Variants in GPC6 observed in about 807,000 individuals in gnomAD.
GPC6 encodes glypican-6.
GPC6 carries 14 observed loss-of-function variants against 55.2 expected under a neutral mutation model. The observed-to-expected ratio is 0.25, with a 90% CI of 0.17 to 0.40. The LOEUF is 0.40. GPC6 is among the 10% of genes least tolerant of loss of function. GPC6 has a pLI of 1.00. For missense variants in GPC6, 641 were observed against 708.5 expected, an observed-to-expected ratio of 0.90 and a Z score of 1.08; for synonymous variants, 278 against 259.6, an observed-to-expected ratio of 1.07 and a Z score of -0.68.
intron 2 of GPC6, among the ~76,000 whole-genome samples, chr13:93,629,706 A>T (rs1229508635): frequency 1.3e-5 from 2 of 152,232 alleles, no homozygotes; most frequent in East Asian, 3.8e-4. Flanking sequence ...ACTTCAATAT[A>T]ACAATTCATG....
intron 4 of GPC6, among the ~76,000 whole-genome samples, chr13:94,204,536 C>A (rs1345859418): frequency 6.6e-6 from 1 of 152,100 alleles, no homozygotes; most frequent in Non-Finnish European, 1.5e-5. Flanking sequence ...TTTCTTCAAT[C>A]ACTATTCTAA....
At chr13:94,246,948 G>A (rs1471221547) in intron 4 of GPC6, among the ~76,000 whole-genome samples, 1 of 152,006 alleles carries the variant, frequency 6.6e-6, no homozygotes, top group Non-Finnish European at 1.5e-5. Context: ...GCTTTAAGCA[G>A]TATGGACATT....
intron 6 of GPC6, among the ~76,000 whole-genome samples, chr13:94,360,052 T>C (rs969051225): frequency 2.0e-5 from 3 of 152,242 alleles, no homozygotes; most frequent in Non-Finnish European, 4.4e-5. Flanking sequence ...GGGCTGGCTT[T>C]CCAGCCTACA....
At chr13:94,379,943 G>A (rs1025404876) in intron 6 of GPC6, among the ~76,000 whole-genome samples, 8 of 152,190 alleles carry the variant, frequency 5.3e-5, no homozygotes, top group Non-Finnish European at 1.0e-4. Flanking sequence ...GCGCAGCGCA[G>A]AAAGCTGAAT....
At chr13:94,227,170 CAGTT>C (rs1890584433) in intron 4 of GPC6, among the ~76,000 whole-genome samples, 1 of 152,114 alleles carries the variant, frequency 6.6e-6, no homozygotes, top group Non-Finnish European at 1.5e-5. Flanking sequence ...TCTGCATTGC[CAGTT>C]AAATATAATT....
At chr13:93,515,434 AATAC>A (rs1401355970) in intron 1 of GPC6, among the ~76,000 whole-genome samples, 22 of 152,258 alleles carry the variant, frequency 1.4e-4, no homozygotes, top group Admixed American at 1.2e-3. Context: ...ATGTTTTTAT[AATAC>A]ATTTAATAGA....
intron 2 of GPC6, among the ~76,000 whole-genome samples, chr13:93,644,653 T>G (rs897048880): frequency 6.6e-6 from 1 of 151,992 alleles, no homozygotes; most frequent in Non-Finnish European, 1.5e-5. Flanking sequence ...TTAAAGGGGA[T>G]GAATTTTATA....
chr13:93,406,888 G>A (rs1472889158), intron 1 of GPC6, among the ~76,000 whole-genome samples: 1 of 152,126 alleles, frequency 6.6e-6, no homozygotes, highest in African/African-American at 2.4e-5. Flanking sequence ...TGAAAGACAA[G>A]ACAAAAGTGA....
intron 3 of GPC6, among the ~76,000 whole-genome samples, chr13:93,852,046 A>T (rs566414612): frequency 7.9e-5 from 12 of 151,920 alleles, no homozygotes; most frequent in Middle Eastern, 6.8e-3. Flanking sequence ...AATGTATTCC[A>T]AAGTAGTTGA....
chr13:94,361,408 C>T (rs901148786), intron 6 of GPC6, among the ~76,000 whole-genome samples: 12 of 152,204 alleles, frequency 7.9e-5, no homozygotes, highest in African/African-American at 2.9e-4. Context: ...GCACTGGGCT[C>T]TACAAATTAC....
chr13:93,813,486 T>G (rs192113994), intron 2 of GPC6, among the ~76,000 whole-genome samples: 79 of 152,274 alleles, frequency 5.2e-4, no homozygotes, highest in Non-Finnish European at 1.0e-3. Context: ...AGCTGCGATA[T>G]TGAAATGAAA....
intron 2 of GPC6, among the ~76,000 whole-genome samples, chr13:93,825,782 T>A (rs1011816108): frequency 1.3e-5 from 2 of 152,076 alleles, no homozygotes; most frequent in Non-Finnish European, 2.9e-5. Context: ...GACAGGCTGG[T>A]AAGTTTATTG....
chr13:93,368,817 C>G (rs1208313663), intron 1 of GPC6, among the ~76,000 whole-genome samples: 2 of 152,088 alleles, frequency 1.3e-5, no homozygotes, highest in Non-Finnish European at 2.9e-5. Flanking sequence ...CTAAGAAAAG[C>G]TAAGCAAATG....
intron 3 of GPC6, among the ~76,000 whole-genome samples, chr13:93,953,032 T>C (rs895122909): frequency 1.3e-5 from 2 of 151,868 alleles, no homozygotes; most frequent in South Asian, 4.1e-4. Context: ...AGCTGCTTCT[T>C]GCTCCCCTTC....
At chr13:93,428,599 T>A (rs1877240759) in intron 1 of GPC6, among the ~76,000 whole-genome samples, 1 of 152,164 alleles carries the variant, frequency 6.6e-6, no homozygotes, top group Non-Finnish European at 1.5e-5. Context: ...CAATGTGTAA[T>A]GATTATTACG....
intron 1 of GPC6, among the ~76,000 whole-genome samples, chr13:93,310,461 C>T (rs1027590402): frequency 1.1e-4 from 17 of 152,172 alleles, no homozygotes; most frequent in African/African-American, 4.1e-4. Flanking sequence ...GGAAACACAA[C>T]ATTCACATTT....
intron 5 of GPC6, among the ~76,000 whole-genome samples, chr13:94,287,167 C>T (rs930349387): frequency 2.0e-5 from 3 of 152,100 alleles, no homozygotes; most frequent in African/African-American, 7.2e-5. Flanking sequence ...GTGGGTCTCC[C>T]GCCTCTTCCT....
chr13:94,395,129 T>A (rs1017742645), intron 7 of GPC6, among the ~76,000 whole-genome samples: 2 of 152,216 alleles, frequency 1.3e-5, no homozygotes, highest in African/African-American at 4.8e-5. Flanking sequence ...TTTATTCCAA[T>A]AGGCTGTAAT....
chr13:93,447,894 A>G (rs933666745), intron 1 of GPC6, among the ~76,000 whole-genome samples: 3 of 152,204 alleles, frequency 2.0e-5, no homozygotes, highest in Non-Finnish European at 4.4e-5. Context: ...GCATTAATGA[A>G]CTAAACCAAA....
Sources: gnomAD v4.1 joint callset for allele counts (sites outside exome capture counted in the v4.1 genomes callset) on GRCh38, gnomAD v4.1.1 for gene constraint, MANE v1.5 for transcripts, NCBI Gene and HGNC (gene_info 2026-07-23, HGNC 2026-07-21) for gene names.